The following TRAPPC13 variants were observed in gnomAD, a reference collection of about 807,000 sequenced individuals.
TRAPPC13 encodes the protein trafficking protein particle complex subunit 13, also known as REV7-interacting novel NHEJ regulator 1.
Under a neutral mutation model 54.0 loss-of-function variants are expected in TRAPPC13, and 39 were observed. The ratio of observed to expected loss-of-function variants is 0.72; its 90% CI spans 0.56 to 0.94. The LOEUF (loss-of-function observed/expected upper bound fraction) is 0.94. TRAPPC13 is among the 40% of genes least tolerant of loss of function. TRAPPC13 has a pLI of 0.00. For missense variants in TRAPPC13, 386 were observed against 488.1 expected, an observed-to-expected ratio of 0.79 and a Z score of 1.97; for synonymous variants, 148 against 167.7, an observed-to-expected ratio of 0.88 and a Z score of 0.91.
At chr5:65,644,883 A>G (rs1756122207) in intron 4 of TRAPPC13, among the ~76,000 whole-genome samples, 1 of 25,854 alleles carries the variant, frequency 3.9e-5, no homozygotes. Context: ...TCCGTCTCCA[A>G]AAAAAAAAAA....
chr5:65,634,227 C>T (rs568406088), intron 1 of TRAPPC13, among the ~76,000 whole-genome samples: 4 of 152,162 alleles, frequency 2.6e-5, no homozygotes, highest in Middle Eastern at 3.4e-3. Context: ...CCTCGTGATC[C>T]GCCCGCCTTG....
intron 5 of TRAPPC13, among the ~76,000 whole-genome samples, chr5:65,648,519 A>G (rs1756295471): frequency 6.6e-6 from 1 of 152,256 alleles, no homozygotes; most frequent in African/African-American, 2.4e-5. Flanking sequence ...TCCATTTTAC[A>G]GAAAATGAGA....
intron 9 of TRAPPC13, among the ~76,000 whole-genome samples, chr5:65,659,963 T>C (rs1251695466): frequency 1.5e-5 from 1 of 68,000 alleles, no homozygotes; most frequent in Non-Finnish European, 2.9e-5. Context: ...CCTTGTATTT[T>C]AAACAAAAAA....
At chr5:65,633,731 A>T (rs1408256237) in intron 1 of TRAPPC13, among the ~76,000 whole-genome samples, 2 of 152,030 alleles carry the variant, frequency 1.3e-5, no homozygotes, top group African/African-American at 4.8e-5. Flanking sequence ...TAAAAAAATT[A>T]TAGAGTGTTT....
chr5:65,644,093 A>G (rs1000228522), intron 4 of TRAPPC13, among the ~76,000 whole-genome samples: 3 of 151,974 alleles, frequency 2.0e-5, no homozygotes, highest in Non-Finnish European at 4.4e-5. Flanking sequence ...TCAGCTCTGT[A>G]TGTTGTTTTT....
Position 65,664,877 on chromosome 5 carries a change from C to T in TRAPPC13, c.*266C>T, listed in dbSNP as rs945979234. The T allele has an allele frequency of 8.9e-5, 38 of 428,704 alleles. No individual in the cohort carries two copies. The highest frequency in any genetic ancestry group is 5.8e-5 in the Non-Finnish European group (14 of 241,104). 26.6% of individuals were successfully genotyped at this position (428,704 alleles called of 1,614,324 possible). On this transcript the variant is annotated 3_prime_UTR_variant, in exon 13 of 13. Coordinates refer to ENST00000399438, the MANE Select transcript of TRAPPC13 (RefSeq NM_024941.4). ...ACCATTGGACTTTGTTCTCCAAAAG[C>T]TGTGTATCTGAGACCATTTGTCCCT...
chr5:65,634,485 T>C (rs2150666690), intron 1 of TRAPPC13, among the ~76,000 whole-genome samples: 1 of 152,346 alleles, frequency 6.6e-6, no homozygotes, highest in East Asian at 1.9e-4. Context: ...TAAATAAACT[T>C]TAGACACATT....
At chr5:65,646,370 G>T (rs983343991) in intron 4 of TRAPPC13, among the ~76,000 whole-genome samples, 6 of 152,060 alleles carry the variant, frequency 3.9e-5, no homozygotes, top group Non-Finnish European at 8.8e-5. Context: ...TTTTGTTTTG[G>T]ACGATTACTT....
At chr5:65,659,710 G>A (rs1487152831) in intron 9 of TRAPPC13, among the ~76,000 whole-genome samples, 3 of 152,196 alleles carry the variant, frequency 2.0e-5, no homozygotes, top group Non-Finnish European at 4.4e-5. Context: ...TAGGCTGGGT[G>A]TGGTGGCTCA....
rs1215002954 is a variant in TRAPPC13, at chr5:65,664,256, G to A, written c.1018G>A (p.Val340Ile). 1.2e-6 allele frequency: 2 copies of A among 1,613,784 alleles called. No homozygotes were observed. Among genetic ancestry groups the A allele is most frequent in the Non-Finnish European group, 1.7e-6 (2 of 1,179,800 alleles). ...TNCSERTMDL[V>I]LEMCNTNSIH... is the part of the protein sequence containing the mutation. ...CAGCAGTGAAAGGACTATGGATCTG[G>A]TTTTGGAAATGTGCAATACCAATTC... Residue 340 changes from valine (V) to isoleucine (I), a missense_variant, in exon 12 of 13, where the codon GTT (valine) becomes ATT (isoleucine). Physicochemically the swap from Val to Ile is conservative, Grantham distance 29. Transcript: ENST00000399438.
chr5:65,638,557 A>G (rs936407934), intron 4 of TRAPPC13, among the ~76,000 whole-genome samples: 2 of 152,238 alleles, frequency 1.3e-5, no homozygotes, highest in African/African-American at 4.8e-5. Context: ...TCACTTGGTA[A>G]GAGTCCGTAA....
chr5:65,638,095 C>T (rs1240374981), intron 4 of TRAPPC13, among the ~76,000 whole-genome samples: 4 of 146,740 alleles, frequency 2.7e-5, no homozygotes, highest in Non-Finnish European at 6.0e-5. Flanking sequence ...TGCACTCCAG[C>T]CTGGGTGACA....
At chr5:65,664,126 T>C in intron 11 of TRAPPC13, 111 bp from the exon 12 acceptor site, 1 of 1,116,484 alleles carries the variant, frequency 9.0e-7, no homozygotes, top group Non-Finnish European at 1.3e-6. Context: ...TTTCTGGTTT[T>C]TATTCTCCTG....
intron 1 of TRAPPC13, chr5:65,630,455 C>T (rs1182662854): frequency 3.6e-6 from 5 of 1,392,554 alleles, no homozygotes; most frequent in Non-Finnish European, 4.6e-6. Context: ...AATTCCTAGG[C>T]TTGTCAATTA....
chr5:65,625,208 C>G, intron 1 of TRAPPC13, 102 bp downstream of exon 1: 1 of 991,654 alleles, frequency 1.0e-6, no homozygotes, highest in African/African-American at 1.6e-5. Context: ...ACACTCAGTG[C>G]TCGCCCTCCT....
intron 3 of TRAPPC13, 58 bp from the exon 4 acceptor site, chr5:65,637,638 A>C (rs1470022765): frequency 9.1e-7 from 1 of 1,096,850 alleles, no homozygotes; most frequent in Non-Finnish European, 1.3e-6. Context: ...CTCAAAAAAA[A>C]AAAAAAAGAA....
intron 12 of TRAPPC13, 53 bp from the exon 13 acceptor site, chr5:65,664,451 G>GT (rs1198338615): frequency 3.8e-6 from 6 of 1,597,968 alleles, no homozygotes; most frequent in Non-Finnish European, 3.4e-6. Flanking sequence ...TGTGATGTCT[G>GT]TATTTCCTCT....
At chr5:65,634,170 A>C (rs1156767679) in intron 1 of TRAPPC13, among the ~76,000 whole-genome samples, 2 of 149,536 alleles carry the variant, frequency 1.3e-5, no homozygotes, top group South Asian at 4.2e-4. Context: ...TATTTTTAGT[A>C]GAGACGGGGT....
intron 4 of TRAPPC13, among the ~76,000 whole-genome samples, chr5:65,646,258 T>C (rs1756203064): frequency 6.6e-6 from 1 of 152,092 alleles, no homozygotes; most frequent in African/African-American, 2.4e-5. Flanking sequence ...CATCATCGGG[T>C]GGAGGGAAAG....
Sources: gnomAD v4.1 joint callset for allele counts (sites outside exome capture counted in the v4.1 genomes callset) on GRCh38, gnomAD v4.1.1 for gene constraint, MANE v1.5 for transcripts, NCBI Gene and HGNC (gene_info 2026-07-23, HGNC 2026-07-21) for gene names.